The following RNF34 variants were observed in gnomAD, a reference collection of about 807,000 sequenced individuals.
RNF34 encodes the protein E3 ubiquitin-protein ligase RNF34.
In RNF34, 12 loss-of-function variants were observed where a neutral mutation model predicts 37.9. That is an observed-to-expected ratio of 0.32 (90% CI 0.20 to 0.51). The LOEUF is 0.51. Ranked by LOEUF, RNF34 falls within the 20% of genes least tolerant of loss-of-function variation. The pLI, the probability that RNF34 is intolerant of heterozygous loss-of-function variation, is 0.97. For synonymous variants in RNF34, 155 were observed against 177.2 expected, an observed-to-expected ratio of 0.87 and a Z score of 1.00; for missense variants, 362 against 472.7, an observed-to-expected ratio of 0.77 and a Z score of 2.17.
intron 1 of RNF34, among the ~76,000 whole-genome samples, chr12:121,404,387 C>CTTTTTTTTTTTTTTTTTT (rs782225104): frequency 1.5e-5 from 1 of 65,824 alleles, no homozygotes; most frequent in Non-Finnish European, 2.4e-5. Flanking sequence ...GTCATTTAAT[C>CTTTTTTTTTTTTTTTTTT]TTTTTTTTTT....
Position 121,423,456 on chromosome 12 carries a change from C to T in RNF34, c.999C>T (p.Ile333=), listed in dbSNP as rs782487943. 2.5e-6 allele frequency: 4 copies of T among 1,613,590 alleles called. No individual in the cohort carries two copies. Among genetic ancestry groups the T allele is most frequent in the Non-Finnish European group, 1.7e-6 (2 of 1,179,740 alleles). The change falls in exon 6 of 6, where the codon ATC becomes ATT. Residue 333 remains isoleucine (I), a synonymous_variant. Transcript: ENST00000361234. The surrounding 1 kb of genome is among the most constrained non-coding windows in gnomAD (Gnocchi z 4.3). ...SLCRICMDAV[I]DCVLLECGHM... ...GTCGCATCTGCATGGATGCCGTCAT[C>T]GACTGTGTCCTACTGGAGTGTGGGC...
At position 121,423,070 on chromosome 12, in the gene RNF34, T is replaced by G. The variant is rs1555283677; in HGVS notation, c.929-316T>G. 6.6e-6 allele frequency among the ~76,000 whole-genome samples: 1 copy of G among 152,226 alleles called. No homozygotes were observed. The highest frequency in any genetic ancestry group is 2.4e-5 in the African/African-American group (1 of 41,460). ...CCAGCTGAGGGTTTCTTTTTCTAGT[T>G]ACAGAAGTAATATATCCCTATCACA... On this transcript the variant is annotated intron_variant, in intron 5 of 5. Coordinates refer to ENST00000361234, the MANE Select transcript of RNF34 (RefSeq NM_025126.4). This position sits in a 1 kb window ranked among gnomAD's most constrained non-coding sequence, Gnocchi z 4.3.
At chr12:121,400,858 A>C (rs1555279912) in intron 1 of RNF34, among the ~76,000 whole-genome samples, 1 of 152,126 alleles carries the variant, frequency 6.6e-6, no homozygotes, top group East Asian at 1.9e-4. Context: ...TGGGAGCATT[A>C]CTGATGAGAA....
chr12:121,405,593 C>T (rs1301612854), intron 1 of RNF34, among the ~76,000 whole-genome samples: 1 of 151,930 alleles, frequency 6.6e-6, no homozygotes, highest in African/African-American at 2.4e-5. Context: ...AAGCAGTTCT[C>T]CTGCCTCACC....
chr12:121,405,166 G>C (rs534409955), intron 1 of RNF34: 16 of 152,374 alleles, frequency 1.1e-4, no homozygotes, highest in African/African-American at 3.1e-4. Flanking sequence ...CCTACAGAGG[G>C]GAGGGGGCTT....
chr12:121,405,545 G>A (rs1870446519), intron 1 of RNF34, among the ~76,000 whole-genome samples: 1 of 152,098 alleles, frequency 6.6e-6, no homozygotes, highest in African/African-American at 2.4e-5. Context: ...GTGCAGTGGT[G>A]CAATCTCTGC....
chr12:121,416,555 T>A, intron 2 of RNF34, 178 bp downstream of exon 2: 1 of 558,902 alleles, frequency 1.8e-6, no homozygotes, highest in Non-Finnish European at 3.2e-6. Flanking sequence ...ACTGCTCAAG[T>A]TTTATAGACA....
intron 1 of RNF34, among the ~76,000 whole-genome samples, chr12:121,410,559 T>G (rs1870962320): frequency 7.0e-6 from 1 of 143,000 alleles, no homozygotes; most frequent in South Asian, 2.3e-4. Flanking sequence ...AAAAAAAAAA[T>G]GCTGGATGGG....
intron 1 of RNF34, among the ~76,000 whole-genome samples, chr12:121,411,519 G>A (rs1472121708): frequency 6.6e-6 from 1 of 152,082 alleles, no homozygotes; most frequent in Non-Finnish European, 1.5e-5. Context: ...CTAATTCATT[G>A]TAAAACTATC....
At chr12:121,422,728 C>A (rs1330071972) in intron 5 of RNF34, among the ~76,000 whole-genome samples, 1 of 152,086 alleles carries the variant, frequency 6.6e-6, no homozygotes, top group Non-Finnish European at 1.5e-5. Context: ...CTGGGGTTAA[C>A]TTTTTTTTAA....
chr12:121,418,154 T>G, intron 3 of RNF34: 1 of 508,968 alleles, frequency 2.0e-6, no homozygotes, highest in Non-Finnish European at 3.5e-6. Flanking sequence ...TCTCTTGGCC[T>G]TAGTTAATTT....
chr12:121,422,391 C>T (rs1217606366), intron 5 of RNF34, among the ~76,000 whole-genome samples: 1 of 152,144 alleles, frequency 6.6e-6, no homozygotes, highest in Admixed American at 6.5e-5. Context: ...TGGGAAGGAA[C>T]CCTCCACACA....
chr12:121,423,330 G>A lies in RNF34; in HGVS notation c.929-56G>A, dbSNP rs782801022. 1.1e-4 allele frequency: 161 copies of A among 1,429,788 alleles called. No individual in the cohort carries two copies. Among genetic ancestry groups the A allele is most frequent in the Admixed American group, 5.8e-4 (28 of 48,672 alleles). The allele number at this position is 1,429,788 out of a possible 1,614,324, so 88.6% of individuals were successfully genotyped here. ...CTGCTCAGCTTCGGACTGGGAGGGT[G>A]GCTGGCTGACTGGCCATGCCTGAAG... On this transcript the variant is annotated intron_variant, in intron 5 of 5. Transcript: ENST00000361234. This position sits in a 1 kb window ranked among gnomAD's most constrained non-coding sequence, Gnocchi z 4.3.
At chr12:121,400,794 T>A (rs1189509689) in intron 1 of RNF34, among the ~76,000 whole-genome samples, 1 of 151,998 alleles carries the variant, frequency 6.6e-6, no homozygotes, top group Non-Finnish European at 1.5e-5. Context: ...CGCCACTAGG[T>A]AAACGCAGCA....
intron 1 of RNF34, among the ~76,000 whole-genome samples, chr12:121,411,986 A>G (rs1555281412): frequency 6.6e-6 from 1 of 152,216 alleles, no homozygotes; most frequent in Admixed American, 6.5e-5. Context: ...TTTTAGAACA[A>G]AGTTTTTCCA....
chr12:121,420,463 A>G (rs1455254641), intron 4 of RNF34, 114 bp from the exon 5 acceptor site: 21 of 1,562,722 alleles, frequency 1.3e-5, no homozygotes, highest in Non-Finnish European at 1.8e-5. Flanking sequence ...GTATACTGAA[A>G]CACTTCTAGG....
rs148275322 is a variant in RNF34, at chr12:121,417,740, C to G, written c.462C>G (p.Gly154=). The change falls in exon 3 of 6, where the codon GGC becomes GGG. Residue 154 remains glycine, a synonymous_variant. Transcript: ENST00000361234. This position sits in a 1 kb window ranked among gnomAD's most constrained non-coding sequence, Gnocchi z 5.0. ...TAGTACTGTGCCATCATGGACTAGG[C>G]TCTGAGGACGACATGGACACAAGCA... ...VDLVLCHHGL[G]SEDDMDTSSL... 1.1e-5 allele frequency: 17 copies of G among 1,614,148 alleles called. No homozygotes were observed. In the African/African-American group the frequency reaches 1.5e-4, roughly 14 times the overall value.
chr12:121,400,299 G>A (rs1869845886), intron 1 of RNF34, 81 bp downstream of exon 1: 2 of 1,512,782 alleles, frequency 1.3e-6, no homozygotes, highest in Non-Finnish European at 1.8e-6. Context: ...CTTTCTTTCC[G>A]CCTTAGCGGT....
chr12:121,421,417 G>A (rs1378962866), intron 5 of RNF34, among the ~76,000 whole-genome samples: 1 of 149,758 alleles, frequency 6.7e-6, no homozygotes, highest in Non-Finnish European at 1.5e-5. Context: ...ACCTGGTGTG[G>A]TGGCACCAGC....
Sources: allele counts gnomAD v4.1 joint callset (sites outside exome capture counted in the v4.1 genomes callset), GRCh38; gene constraint gnomAD v4.1.1; non-coding constraint Gnocchi (gnomAD v3.1); transcripts MANE v1.5; gene names NCBI Gene and HGNC (gene_info 2026-07-23, HGNC 2026-07-21).